Variants in COL11A1 observed in about 807,000 individuals in gnomAD.
COL11A1 encodes collagen alpha-1(XI) chain.
Under a neutral mutation model 265.2 loss-of-function variants are expected in COL11A1, and 74 were observed. The ratio of observed to expected loss-of-function variants is 0.28; its 90% CI spans 0.23 to 0.34. COL11A1 has a LOEUF of 0.34. Among genes scored for constraint, COL11A1 ranks in the 10% least tolerant of loss-of-function variants. COL11A1 has a pLI of 1.00. For synonymous variants in COL11A1, 816 were observed against 727.6 expected (o/e 1.12, Z -1.96); for missense variants, 2,165 against 2,263.6 (o/e 0.96, Z 0.88).
At chr1:102,940,244 C>T in intron 43 of COL11A1, 83 bp downstream of exon 43, 1 of 1,153,010 alleles carries the variant, frequency 8.7e-7, no homozygotes, top group Non-Finnish European at 1.3e-6. Context: ...GGCGCCTAAT[C>T]ATAAAGATTA....
intron 4 of COL11A1, among the ~76,000 whole-genome samples, chr1:103,058,241 T>C (rs1211680217): frequency 6.6e-6 from 1 of 152,210 alleles, no homozygotes; most frequent in African/African-American, 2.4e-5. Flanking sequence ...TCTTTTCTTC[T>C]GAAGCTTCCT....
chr1:103,006,447 A>G, intron 15 of COL11A1, 132 bp from the exon 16 acceptor site: 1 of 487,476 alleles, frequency 2.1e-6, no homozygotes. Context: ...CAAGAAAATT[A>G]TTTCCATGTA....
At chr1:103,001,436 T>C in intron 24 of COL11A1, 1 of 406,784 alleles carries the variant, frequency 2.5e-6, no homozygotes, top group Non-Finnish European at 4.3e-6. Context: ...GAAAAAGACA[T>C]GTGTTTAATT....
At chr1:103,065,377 G>T (rs1192710033) in intron 4 of COL11A1, among the ~76,000 whole-genome samples, 2 of 151,518 alleles carry the variant, frequency 1.3e-5, no homozygotes, top group Non-Finnish European at 2.9e-5. Flanking sequence ...AAAATTAGCC[G>T]GGCGTGTTGG....
At chr1:102,907,198 A>G (rs1654086466) in intron 54 of COL11A1, among the ~76,000 whole-genome samples, 1 of 152,152 alleles carries the variant, frequency 6.6e-6, no homozygotes, top group African/African-American at 2.4e-5. Context: ...TCATGAATAC[A>G]AAGCCTTCTA....
intron 28 of COL11A1, among the ~76,000 whole-genome samples, chr1:102,993,841 A>G (rs1212376415): frequency 6.6e-6 from 1 of 152,066 alleles, no homozygotes; most frequent in Non-Finnish European, 1.5e-5. Flanking sequence ...GCCCAGTCAT[A>G]TTATAATTTT....
chr1:102,965,883 C>A (rs544474672), intron 37 of COL11A1, among the ~76,000 whole-genome samples: 2 of 152,122 alleles, frequency 1.3e-5, no homozygotes, highest in Non-Finnish European at 2.9e-5. Flanking sequence ...TTTAGACATT[C>A]TTTGAAACAG....
intron 20 of COL11A1, 42 bp downstream of exon 20, chr1:103,004,402 A>G: frequency 2.7e-6 from 4 of 1,505,642 alleles, no homozygotes; most frequent in South Asian, 1.1e-5. Flanking sequence ...CTAGTCCTAA[A>G]AACTAGAAAT....
intron 40 of COL11A1, 96 bp downstream of exon 40, chr1:102,962,079 TA>T: frequency 9.0e-7 from 1 of 1,114,004 alleles, no homozygotes; most frequent in Non-Finnish European, 1.4e-6. Context: ...TATGTTTATA[TA>T]TCTTCCCTTA....
In COL11A1 at chr1:102,985,099, C is replaced by G. The variant is rs574035924; in HGVS notation, c.2503-908G>C. Among the ~76,000 whole-genome samples the G allele has an allele frequency of 1.7e-4, 26 of 151,646 alleles. No homozygotes were observed. In the South Asian group the frequency reaches 2.3e-3, roughly 13 times the overall value. ...GGAATTTTACTGTGCATCCATTTAC[C>G]TAATAAGATACTTACAAAAGCACAC... On this transcript the variant is annotated intron_variant, in intron 30 of 66. Transcript: ENST00000370096.
chr1:102,903,245 T>C (rs1653462833), intron 54 of COL11A1, among the ~76,000 whole-genome samples: 1 of 152,190 alleles, frequency 6.6e-6, no homozygotes, highest in African/African-American at 2.4e-5. Context: ...ACATGTACTA[T>C]GAATGATAAT....
chr1:103,040,591 CCA>C (rs1668733038), intron 4 of COL11A1, among the ~76,000 whole-genome samples: 1 of 151,406 alleles, frequency 6.6e-6, no homozygotes, highest in Non-Finnish European at 1.5e-5. Flanking sequence ...TAAAATGTTA[CCA>C]CAGTTTGATC....
intron 4 of COL11A1, among the ~76,000 whole-genome samples, chr1:103,036,772 G>A (rs1305157581): frequency 6.6e-6 from 1 of 151,944 alleles, no homozygotes; most frequent in African/African-American, 2.4e-5. Flanking sequence ...TAAAGTTATT[G>A]AGTAAAACTG....
chr1:103,024,750 C>T (rs1571074535), intron 7 of COL11A1, among the ~76,000 whole-genome samples: 1 of 152,136 alleles, frequency 6.6e-6, no homozygotes, highest in South Asian at 2.1e-4. Context: ...TTTGTGTTTT[C>T]ACATAAATCT....
At chr1:102,915,255 G>A (rs1238073795) in intron 50 of COL11A1, among the ~76,000 whole-genome samples, 1 of 152,056 alleles carries the variant, frequency 6.6e-6, no homozygotes, top group East Asian at 1.9e-4. Context: ...TTCCTGGTGG[G>A]CAAATTTAAT....
At chr1:102,992,898 C>T (rs1253526662) in intron 28 of COL11A1, among the ~76,000 whole-genome samples, 1 of 152,116 alleles carries the variant, frequency 6.6e-6, no homozygotes, top group African/African-American at 2.4e-5. Flanking sequence ...ATACTTGCAT[C>T]TTCTGAGACC....
chr1:102,923,316 C>A lies in COL11A1; in HGVS notation c.3654+20G>T, dbSNP rs1443440437. On this transcript the variant is annotated intron_variant, in intron 47 of 66. Transcript: ENST00000370096. ...ATGCATATAACACATACCCATCAAA[C>A]ACCAAAAATAAAAACTTACCATGGG... 1.3e-6 allele frequency: 2 copies of A among 1,599,080 alleles called. No homozygotes were observed. Among genetic ancestry groups the A allele is most frequent in the East Asian group, 2.3e-5 (1 of 44,144 alleles).
At chr1:102,984,411 C>T (rs1038494825) in intron 30 of COL11A1, among the ~76,000 whole-genome samples, 1 of 151,888 alleles carries the variant, frequency 6.6e-6, no homozygotes, top group African/African-American at 2.4e-5. Flanking sequence ...CTAACTTAAC[C>T]TTTATTATAT....
chr1:102,920,486 A>G (rs1570732504), intron 48 of COL11A1, 122 bp from the exon 49 acceptor site: 1 of 809,250 alleles, frequency 1.2e-6, no homozygotes, highest in South Asian at 1.4e-5. Context: ...AGTCATTTAA[A>G]GAATGAGACT....
Sources: gnomAD v4.1 joint callset for allele counts (sites outside exome capture counted in the v4.1 genomes callset) on GRCh38, gnomAD v4.1.1 for gene constraint, MANE v1.5 for transcripts, NCBI Gene and HGNC (gene_info 2026-07-23, HGNC 2026-07-21) for gene names.